ANKIB1: variants seen among roughly 807,000 people sequenced by gnomAD.
ANKIB1 encodes ankyrin repeat and IBR domain containing 1, also known as ankyrin repeat and IBR domain-containing protein 1.
ANKIB1 carries 43 observed loss-of-function variants against 122.1 expected under a neutral mutation model. That is an observed-to-expected ratio of 0.35 (90% confidence interval 0.28 to 0.45). The LOEUF is 0.45. Among genes scored for constraint, ANKIB1 ranks in the 20% least tolerant of loss-of-function variants. The pLI, the probability that ANKIB1 is intolerant of heterozygous loss-of-function variation, is 1.00. For synonymous variants in ANKIB1, 390 were observed against 442.0 expected, an observed-to-expected ratio of 0.88 and a Z score of 1.48; for missense variants, 992 against 1,329.5, an observed-to-expected ratio of 0.75 and a Z score of 3.95.
chr7:92,336,806 A>G (rs187581245), intron 5 of ANKIB1, among the ~76,000 whole-genome samples: 6 of 152,184 alleles, frequency 3.9e-5, no homozygotes, highest in Non-Finnish European at 2.9e-5. Flanking sequence ...ATTTTGTCAG[A>G]CATTAACTCC....
At chr7:92,382,509 T>G (rs573881432) in intron 11 of ANKIB1, among the ~76,000 whole-genome samples, 1 of 152,292 alleles carries the variant, frequency 6.6e-6, no homozygotes, top group Non-Finnish European at 1.5e-5. Context: ...CCTCAGCTAA[T>G]GTAAAAGAAC....
intron 4 of ANKIB1, among the ~76,000 whole-genome samples, chr7:92,324,434 G>A (rs747444222): frequency 6.6e-5 from 10 of 152,130 alleles, no homozygotes; most frequent in East Asian, 3.9e-4. Flanking sequence ...GGGTTTCACC[G>A]TGTTGACCAT....
intron 11 of ANKIB1, among the ~76,000 whole-genome samples, chr7:92,385,377 C>T (rs983440590): frequency 5.3e-5 from 8 of 152,204 alleles, no homozygotes; most frequent in African/African-American, 1.7e-4. Flanking sequence ...GATCCCATTA[C>T]TGGGTATATA....
intron 10 of ANKIB1, among the ~76,000 whole-genome samples, chr7:92,363,085 A>C (rs1280508464): frequency 6.6e-6 from 1 of 151,870 alleles, no homozygotes; most frequent in Non-Finnish European, 1.5e-5. Flanking sequence ...TAATGGTGTT[A>C]GCTTGAGATG....
intron 2 of ANKIB1, among the ~76,000 whole-genome samples, chr7:92,305,693 T>C (rs867010232): frequency 3.3e-5 from 5 of 152,102 alleles, no homozygotes; most frequent in Admixed American, 3.3e-4. Context: ...TGAGCAAGTA[T>C]TGAAGTGTAC....
chr7:92,361,164 T>C lies in ANKIB1; in HGVS notation c.1398-1021T>C, dbSNP rs1223190943. ...ATAATTACCTTTGTCCTATACAATATAGCATCATCTTGAATTAAAATGGCA... is the reference window on the plus strand; with the variant it reads ...ATAATTACCTTTGTCCTATACAATACAGCATCATCTTGAATTAAAATGGCA... On this transcript the variant is annotated intron_variant, in intron 9 of 19. Coordinates refer to ENST00000265742, the MANE Select transcript of ANKIB1 (RefSeq NM_019004.2). 3.9e-5 allele frequency among the ~76,000 whole-genome samples: 6 copies of C among 152,370 alleles called. No homozygotes were observed. The East Asian group carries it at 5.8e-4, about 15-fold the overall frequency.
At chr7:92,371,275 AG>A (rs1187357378) in intron 10 of ANKIB1, among the ~76,000 whole-genome samples, 1 of 152,072 alleles carries the variant, frequency 6.6e-6, no homozygotes, top group Non-Finnish European at 1.5e-5. Context: ...TTTCACGAAT[AG>A]GTCTTTTGGA....
intron 17 of ANKIB1, among the ~76,000 whole-genome samples, chr7:92,393,601 A>T (rs568702348): frequency 2.0e-5 from 3 of 152,244 alleles, no homozygotes; most frequent in Non-Finnish European, 1.5e-5. Flanking sequence ...ATGTATGTGT[A>T]TCATCTTGCA....
At chr7:92,319,566 T>C (rs1335147585) in intron 4 of ANKIB1, 54 bp downstream of exon 4, 3 of 1,534,426 alleles carry the variant, frequency 2.0e-6, no homozygotes, top group African/African-American at 2.8e-5. Context: ...TTAGATTTTA[T>C]GTTGTTTTGT....
chr7:92,383,108 A>AAC (rs2115682835), intron 11 of ANKIB1, among the ~76,000 whole-genome samples: 2 of 152,356 alleles, frequency 1.3e-5, no homozygotes, highest in African/African-American at 4.8e-5. Flanking sequence ...GAATAACATA[A>AAC]ACACCTCTAC....
intron 10 of ANKIB1, among the ~76,000 whole-genome samples, chr7:92,368,718 C>T (rs1804160033): frequency 6.8e-6 from 1 of 146,776 alleles, no homozygotes; most frequent in Admixed American, 6.8e-5. Flanking sequence ...GAGACTCCGT[C>T]TCAAAAAAAA....
intron 1 of ANKIB1, among the ~76,000 whole-genome samples, chr7:92,256,107 T>A (rs1473265884): frequency 1.3e-5 from 2 of 152,168 alleles, no homozygotes. Context: ...GAAAACAACT[T>A]TTAAGCTGAT....
At chr7:92,383,713 A>G (rs528607408) in intron 11 of ANKIB1, among the ~76,000 whole-genome samples, 2 of 152,228 alleles carry the variant, frequency 1.3e-5, no homozygotes, top group Non-Finnish European at 2.9e-5. Context: ...AAAGCTCTCA[A>G]TAGTCTAGGT....
intron 5 of ANKIB1, among the ~76,000 whole-genome samples, chr7:92,341,116 G>C (rs1803428700): frequency 6.6e-6 from 1 of 151,878 alleles, no homozygotes; most frequent in Non-Finnish European, 1.5e-5. Flanking sequence ...ACCAGCCTGG[G>C]CAACATGGTG....
intron 11 of ANKIB1, among the ~76,000 whole-genome samples, chr7:92,384,099 A>G (rs902678465): frequency 2.0e-5 from 3 of 152,182 alleles, no homozygotes; most frequent in African/African-American, 7.2e-5. Flanking sequence ...CCAATAACAG[A>G]CAAACAGCCA....
In ANKIB1 at chr7:92,397,723, A is replaced by G. The variant is rs2115730380; in HGVS notation, c.2396A>G (p.Asp799Gly). The G allele has an allele frequency of 1.2e-6, 2 of 1,610,558 alleles. No individual in the cohort carries two copies. The highest frequency in any genetic ancestry group is 2.2e-5 in the East Asian group (1 of 44,634). Reference sequence around the variant, plus strand: ...TTTGGTACCAATTGCTTTGAAACAGATATTCCAGAAGGCGGCAGCAGCAGC... The same window carrying G: ...TTTGGTACCAATTGCTTTGAAACAGGTATTCCAGAAGGCGGCAGCAGCAGC... ...DPDEPSESTL[D>G]IPEGGSSSRR... The change falls in exon 19 of 20, where the codon GAT (aspartate) becomes GGT (glycine). Residue 799 changes from aspartate (D) to glycine (G), a missense_variant and splice_region_variant. Physicochemically the swap from Asp to Gly is moderately conservative, Grantham distance 94 (BLOSUM62 -1). Transcript: ENST00000265742.
At chr7:92,350,847 A>C (rs1803647521) in intron 7 of ANKIB1, 103 bp from the exon 8 acceptor site, 1 of 1,161,794 alleles carries the variant, frequency 8.6e-7, no homozygotes, top group East Asian at 2.6e-5. Context: ...ATGGAATGAG[A>C]CCCTGTCTCT....
intron 5 of ANKIB1, among the ~76,000 whole-genome samples, chr7:92,339,327 C>A (rs972871328): frequency 9.2e-5 from 14 of 151,996 alleles, no homozygotes; most frequent in East Asian, 3.9e-4. Context: ...CAGGCGTGAG[C>A]CACCGCACCT....
At chr7:92,340,352 G>A (rs1803410026) in intron 5 of ANKIB1, among the ~76,000 whole-genome samples, 1 of 152,170 alleles carries the variant, frequency 6.6e-6, no homozygotes, top group Admixed American at 6.5e-5. Flanking sequence ...AATTCAGTCA[G>A]CATGGCACTT....
Sources: allele counts gnomAD v4.1 joint callset (sites outside exome capture counted in the v4.1 genomes callset), GRCh38; gene constraint gnomAD v4.1.1; transcripts MANE v1.5; gene names NCBI Gene and HGNC (gene_info 2026-07-23, HGNC 2026-07-21).